ZNF766: variants seen among roughly 807,000 people sequenced by gnomAD.
ZNF766 encodes zinc finger protein 766.
In ZNF766, 13 loss-of-function variants were observed where a neutral mutation model predicts 13.2. The observed-to-expected ratio is 0.98, with a 90% CI of 0.64 to 1.56. ZNF766 has a LOEUF of 1.56. ZNF766 is among the 40% of genes most tolerant of loss of function. The pLI, the probability that ZNF766 is intolerant of heterozygous loss-of-function variation, is 0.00. For synonymous variants in ZNF766, 178 were observed against 187.6 expected (o/e 0.95, Z 0.42); for missense variants, 521 against 552.2 (o/e 0.94, Z 0.57).
At chr19:52,289,024 A>AT (rs944324321) in intron 3 of ZNF766, among the ~76,000 whole-genome samples, 1 of 139,486 alleles carries the variant, frequency 7.2e-6, no homozygotes, top group East Asian at 2.2e-4. Context: ...AATTTTTTTT[A>AT]TTTTTTTATT....
chr19:52,294,951 A>G lies in ZNF766; in HGVS notation c.*3753A>G, dbSNP rs1982287287. 1 of 150,974 alleles carries G rather than the reference A, an allele frequency of 6.6e-6. No homozygotes were observed. Among genetic ancestry groups the G allele is most frequent in the African/African-American group, 2.4e-5 (1 of 41,264 alleles). The allele number at this position is 150,974 out of a possible 1,614,324, so 9.4% of individuals were successfully genotyped here. On this transcript the variant is annotated 3_prime_UTR_variant, in exon 4 of 4. Transcript: ENST00000439461. ...GTTTATAATAAATATAATGTATTAT[A>G]TAATATGATTAAAATATATTTGTTA...
intron 3 of ZNF766, among the ~76,000 whole-genome samples, chr19:52,285,427 C>T (rs1298099056): frequency 1.3e-5 from 2 of 152,194 alleles, no homozygotes; most frequent in African/African-American, 2.4e-5. Context: ...AACTGGCTTC[C>T]AGTTGAGGTT....
chr19:52,272,137 T>C (rs910382115), intron 1 of ZNF766, among the ~76,000 whole-genome samples: 1 of 152,142 alleles, frequency 6.6e-6, no homozygotes, highest in East Asian at 1.9e-4. Flanking sequence ...AAAATCTTGT[T>C]TATATTTCTG....
intron 1 of ZNF766, among the ~76,000 whole-genome samples, chr19:52,280,011 G>A (rs951260593): frequency 2.0e-5 from 3 of 151,828 alleles, no homozygotes; most frequent in African/African-American, 4.8e-5. Flanking sequence ...GGCCAGGCTG[G>A]TCTCGAACTC....
At chr19:52,289,726 C>T (rs543546333) in intron 3 of ZNF766, among the ~76,000 whole-genome samples, 29 of 152,184 alleles carry the variant, frequency 1.9e-4, no homozygotes, top group Middle Eastern at 3.4e-3. Context: ...AGAGTCCGGG[C>T]GCGGTGGCTC....
chr19:52,283,259 A>T, intron 2 of ZNF766, 26 bp from the exon 3 acceptor site: 1 of 1,608,500 alleles, frequency 6.2e-7, no homozygotes, highest in South Asian at 1.1e-5. Context: ...ATCACAGCAC[A>T]TCTTGATTCT....
At chr19:52,273,524 G>A (rs1981065632) in intron 1 of ZNF766, among the ~76,000 whole-genome samples, 3 of 152,064 alleles carry the variant, frequency 2.0e-5, no homozygotes. Context: ...CTGGGGCCAG[G>A]GTTGCTCCTG....
At chr19:52,275,298 A>G (rs770932980) in intron 1 of ZNF766, among the ~76,000 whole-genome samples, 1 of 152,190 alleles carries the variant, frequency 6.6e-6, no homozygotes, top group Non-Finnish European at 1.5e-5. Context: ...TAAAAACAAG[A>G]AAAAGTTTAG....
chr19:52,282,781 T>C (rs1429315722), intron 2 of ZNF766, among the ~76,000 whole-genome samples: 1 of 152,200 alleles, frequency 6.6e-6, no homozygotes, highest in Non-Finnish European at 1.5e-5. Context: ...TAAAACCTTA[T>C]GACAAACTTT....
intron 1 of ZNF766, among the ~76,000 whole-genome samples, chr19:52,276,659 C>T (rs923648892): frequency 1.7e-4 from 26 of 152,238 alleles, no homozygotes; most frequent in African/African-American, 6.3e-4. Flanking sequence ...GAATCTGTCA[C>T]AGGCATCCTT....
chr19:52,285,607 C>T (rs118051032), intron 3 of ZNF766, among the ~76,000 whole-genome samples: 10 of 152,326 alleles, frequency 6.6e-5, no homozygotes, highest in East Asian at 3.9e-4. Context: ...CCTCCCTGGG[C>T]GTGCCACTCT....
chr19:52,289,920 G>T, intron 3 of ZNF766, 146 bp from the exon 4 acceptor site: 1 of 739,296 alleles, frequency 1.4e-6, no homozygotes, highest in Non-Finnish European at 2.1e-6. Context: ...AGAATGGCGG[G>T]AACCTGGGAG....
chr19:52,284,791 T>A (rs321908), intron 3 of ZNF766: 1 of 151,738 alleles, frequency 6.6e-6, no homozygotes, highest in African/African-American at 2.4e-5. Context: ...TCGTTATGTT[T>A]ATTGGTTCAT....
intron 3 of ZNF766, among the ~76,000 whole-genome samples, chr19:52,284,197 C>T (rs533191627): frequency 1.3e-5 from 2 of 152,340 alleles, no homozygotes; most frequent in African/African-American, 4.8e-5. Flanking sequence ...ACAGAGAGCG[C>T]TGCTTCAAAG....
rs997116007 is a variant in ZNF766, at chr19:52,294,519, A to G, written c.*3321A>G. On this transcript the variant is annotated 3_prime_UTR_variant, in exon 4 of 4. Coordinates refer to ENST00000439461, the MANE Select transcript of ZNF766 (RefSeq NM_001010851.3). ...GTCCAAATATGACTAGGGAATCGGC[A>G]TAGGTGACTGGCTTGGGGTATGATG... 1.2e-4 allele frequency: 19 copies of G among 152,238 alleles called. No individual in the cohort carries two copies. The highest frequency in any genetic ancestry group is 4.6e-4 in the African/African-American group (19 of 41,452). 9.4% of individuals were successfully genotyped at this position (152,238 alleles called of 1,614,324 possible). A position where few individuals can be genotyped will look rare whatever the true frequency, so the allele number is the denominator to read the frequency against.
At chr19:52,277,384 G>A (rs1274096588) in intron 1 of ZNF766, 9 of 1,212,848 alleles carry the variant, frequency 7.4e-6, no homozygotes, top group Non-Finnish European at 9.2e-6. Context: ...GTGTGAACCC[G>A]GGAGGCGGAG....
intron 3 of ZNF766, among the ~76,000 whole-genome samples, chr19:52,289,091 C>CATG (rs1386682889): frequency 2.0e-5 from 3 of 149,890 alleles, no homozygotes; most frequent in Admixed American, 6.7e-5. Flanking sequence ...CTCCTCACCT[C>CATG]ATGATCCACC....
chr19:52,292,136 G>C lies in ZNF766; in HGVS notation c.*938G>C, dbSNP rs1982177330. On this transcript the variant is annotated 3_prime_UTR_variant, in exon 4 of 4. Transcript: ENST00000439461. The stretch of plus-strand genomic sequence containing the variant: ...CCTGAACTTTGAAATTTCTTCATGT[G>C]CCTTCCCTACAGGCCTTTCACTGTG... The C allele has an allele frequency of 2.8e-6, 2 of 702,436 alleles. No homozygotes were observed. The highest frequency in any genetic ancestry group is 1.7e-5 in the African/African-American group (1 of 57,336). 43.5% of individuals were successfully genotyped at this position (702,436 alleles called of 1,614,324 possible). A position where few individuals can be genotyped will look rare whatever the true frequency, so the allele number is the denominator to read the frequency against.
In ZNF766 at chr19:52,291,412, G is replaced by A. The variant is rs773127695; in HGVS notation, c.*214G>A. On this transcript the variant is annotated 3_prime_UTR_variant, in exon 4 of 4. Coordinates refer to ENST00000439461, the MANE Select transcript of ZNF766 (RefSeq NM_001010851.3). ...AATATGTTGAACCTAATGATATGAT[G>A]TGTATAAAGGGTGCAAGGACACGTG... is the stretch of plus-strand genomic sequence containing the variant. 2.6e-5 allele frequency: 14 copies of A among 539,788 alleles called. No individual in the cohort carries two copies. The highest frequency in any genetic ancestry group is 5.5e-5 in the South Asian group (2 of 36,300). The allele number at this position is 539,788 out of a possible 1,614,324, so 33.4% of individuals were successfully genotyped here.
Sources: allele counts gnomAD v4.1 joint callset (sites outside exome capture counted in the v4.1 genomes callset), GRCh38; gene constraint gnomAD v4.1.1; transcripts MANE v1.5; gene names NCBI Gene and HGNC (gene_info 2026-07-23, HGNC 2026-07-21).